The following CCZ1 variants were observed in gnomAD, a reference collection of about 807,000 sequenced individuals.
CCZ1 encodes the protein vacuolar fusion protein CCZ1 homolog.
Under a neutral mutation model 57.8 loss-of-function variants are expected in CCZ1, and 19 were observed. The ratio of observed to expected loss-of-function variants is 0.33; its 90% CI spans 0.23 to 0.48. The LOEUF (loss-of-function observed/expected upper bound fraction) is 0.48, where lower values mean the gene tolerates loss of function less well. Among genes scored for constraint, CCZ1 ranks in the 20% least tolerant of loss-of-function variants. CCZ1 has a pLI of 0.99. For missense variants in CCZ1, 200 were observed against 492.0 expected (o/e 0.41, Z 5.61); for synonymous variants, 81 against 167.0 (o/e 0.49, Z 3.97).
At chr7:5,902,132 A>G (rs1255378805) in intron 5 of CCZ1, 1 of 176,722 alleles carries the variant, frequency 5.7e-6, no homozygotes, top group Non-Finnish European at 1.2e-5. Context: ...CATCTCTACA[A>G]AAAATTTTTA....
intron 1 of CCZ1, among the ~76,000 whole-genome samples, chr7:5,899,334 G>GGGTGTGTGTGTGTGTGT (rs1781626415): frequency 1.6e-4 from 2 of 12,578 alleles, no homozygotes; most frequent in South Asian, 2.5e-3. Flanking sequence ...TCGGGAGGGG[G>GGGTGTGTGTGTGTGTGT]GTGTGTGTGT....
At chr7:5,912,135 T>G (rs1178243911) in intron 9 of CCZ1, among the ~76,000 whole-genome samples, 1 of 143,874 alleles carries the variant, frequency 7.0e-6, no homozygotes, top group African/African-American at 2.5e-5. Context: ...ATTTTGTATT[T>G]TTAGTAGAAA....
At chr7:5,908,568 C>T (rs1388232052) in intron 7 of CCZ1, among the ~76,000 whole-genome samples, 5 of 147,434 alleles carry the variant, frequency 3.4e-5, no homozygotes, top group African/African-American at 7.5e-5. Context: ...TTAGTAGAGA[C>T]GGTGTTTCGC....
At chr7:5,916,542 A>G (rs1779151975) in intron 10 of CCZ1, among the ~76,000 whole-genome samples, 1 of 136,198 alleles carries the variant, frequency 7.3e-6, no homozygotes, top group Non-Finnish European at 1.6e-5. Flanking sequence ...TTTGAGATGG[A>G]GTCCCACTCT....
At chr7:5,923,056 C>A (rs1477916081) in intron 12 of CCZ1, among the ~76,000 whole-genome samples, 1 of 129,306 alleles carries the variant, frequency 7.7e-6, no homozygotes, top group Non-Finnish European at 1.6e-5. Flanking sequence ...CGGGGGCTCA[C>A]GCCTGTAATC....
intron 7 of CCZ1, among the ~76,000 whole-genome samples, chr7:5,907,350 A>T (rs1001010513): frequency 1.3e-5 from 2 of 149,466 alleles, no homozygotes; most frequent in Non-Finnish European, 2.9e-5. Flanking sequence ...CCACAGATGG[A>T]AATGACAGGA....
chr7:5,916,504 T>G (rs1410711766), intron 10 of CCZ1, among the ~76,000 whole-genome samples: 1 of 7,754 alleles, frequency 1.3e-4, no homozygotes, highest in Non-Finnish European at 2.5e-4. Flanking sequence ...TTTTGTTTTT[T>G]GTTTTTTTTT....
At chr7:5,910,719 TTTATTTATTTA>T (rs1781954041) in intron 8 of CCZ1, among the ~76,000 whole-genome samples, 4 of 91,398 alleles carry the variant, frequency 4.4e-5, no homozygotes, top group African/African-American at 1.3e-4. Context: ...TATTTATTTA[TTTATTTATTTA>T]TTTATTTATT....
intron 7 of CCZ1, among the ~76,000 whole-genome samples, chr7:5,905,804 A>AG (rs1781800215): frequency 9.2e-6 from 1 of 108,686 alleles, no homozygotes; most frequent in Non-Finnish European, 1.9e-5. Flanking sequence ...AAAAAAAAAA[A>AG]AAAGAGAAAA....
In CCZ1 at chr7:5,909,117, T is replaced by C. The variant is rs1209868762; in HGVS notation, c.699-918T>C. ...CCAATCCCTTGTGACTTTTTTTTTT[T>C]TTTTATCTCAAATGGCATGTAAAAT... On this transcript the variant is annotated intron_variant, in intron 7 of 14. Transcript: ENST00000325974. 6.1e-5 allele frequency among the ~76,000 whole-genome samples: 9 copies of C among 148,040 alleles called. 3 individuals are homozygous for C. The East Asian group carries it at 1.8e-3, about 30-fold the overall frequency.
intron 5 of CCZ1, 111 bp from the exon 6 acceptor site, chr7:5,902,550 G>A: frequency 1.4e-6 from 2 of 1,390,338 alleles, no homozygotes; most frequent in Non-Finnish European, 1.9e-6. Context: ...GGAAAGAACT[G>A]GGAGATTTAA....
intron 1 of CCZ1, among the ~76,000 whole-genome samples, chr7:5,899,335 GTGT>G (rs1781627022): frequency 5.0e-3 from 4 of 802 alleles, no homozygotes; most frequent in Non-Finnish European, 3.5e-3. Context: ...CGGGAGGGGG[GTGT>G]GTGTGTGTGT....
At chr7:5,908,808 C>T (rs1562540886) in intron 7 of CCZ1, among the ~76,000 whole-genome samples, 2 of 144,104 alleles carry the variant, frequency 1.4e-5, no homozygotes, top group African/African-American at 5.2e-5. Flanking sequence ...CCATGTGCTG[C>T]TCCTTCCTGC....
At position 5,902,905 on chromosome 7, in the gene CCZ1, G is replaced by A. The variant is rs533019802; in HGVS notation, c.522+161G>A. On this transcript the variant is annotated intron_variant, in intron 6 of 14. Coordinates refer to ENST00000325974, the MANE Select transcript of CCZ1 (RefSeq NM_015622.6). ...CGCAAAACTGGAGCAGCGAGGAAAC[G>A]CATGAGGCTTGTGCTCTGGAACCTT... 2.5e-4 allele frequency among the ~76,000 whole-genome samples: 37 copies of A among 149,062 alleles called. 1 individual carries two copies. The highest frequency in any genetic ancestry group is 8.7e-4 in the African/African-American group (35 of 40,356).
intron 7 of CCZ1, among the ~76,000 whole-genome samples, chr7:5,907,414 C>G (rs1781857197): frequency 6.7e-6 from 1 of 149,092 alleles, no homozygotes; most frequent in Non-Finnish European, 1.5e-5. Flanking sequence ...ATGTGACAAG[C>G]CAGAATCCAG....
chr7:5,912,079 C>G (rs1417893761), intron 9 of CCZ1, among the ~76,000 whole-genome samples, 157 bp downstream of exon 9: 3 of 151,420 alleles, frequency 2.0e-5, no homozygotes, highest in East Asian at 3.9e-4. Flanking sequence ...CTCAGCCTCC[C>G]AAGTAGCTGG....
rs1781772590 is a variant in CCZ1 at position 5,905,100 on chromosome 7, C to A, written c.529C>A (p.Gln177Lys). 2 of 1,599,064 alleles carry A rather than the reference C, an allele frequency of 1.3e-6. No individual in the cohort carries two copies. Among genetic ancestry groups the A allele is most frequent in the Admixed American group, 1.7e-5 (1 of 59,486 alleles). ...CTTATTTTTTTTCCCACAGTATTTGCAAACGCTACATTTGCAGTCATGTGA... is the reference window on the plus strand; with the variant it reads ...CTTATTTTTTTTCCCACAGTATTTGAAAACGCTACATTTGCAGTCATGTGA... ...RLEKFFHRYLQTLHLQSCDLL... is the reference protein window; with the variant it reads ...RLEKFFHRYLKTLHLQSCDLL... Residue 177 changes from glutamine to lysine, a missense_variant, in exon 7 of 15, where the codon CAA becomes AAA. Around this residue, in one of 5 missense-constraint regions of CCZ1, gnomAD observed 128 missense variants for 178.4 expected, o/e 0.72. Transcript: ENST00000325974.
At chr7:5,903,926 C>T (rs564965342) in intron 6 of CCZ1, among the ~76,000 whole-genome samples, 3 of 141,346 alleles carry the variant, frequency 2.1e-5, no homozygotes, top group East Asian at 2.6e-4. Flanking sequence ...ACCCCGGAGG[C>T]GAGGTTGCAG....
At chr7:5,915,592 G>A (rs1197257302) in intron 10 of CCZ1, among the ~76,000 whole-genome samples, 3 of 151,332 alleles carry the variant, frequency 2.0e-5, no homozygotes, top group Admixed American at 6.6e-5. Context: ...CACTTAAAAT[G>A]TACAGTTCAG....
Sources: allele counts gnomAD v4.1 joint callset (sites outside exome capture counted in the v4.1 genomes callset), GRCh38; gene constraint gnomAD v4.1.1; regional missense constraint gnomAD v4.1.1; transcripts MANE v1.5; gene names NCBI Gene and HGNC (gene_info 2026-07-23, HGNC 2026-07-21).